ADAD2: variants seen among roughly 807,000 people sequenced by gnomAD.
ADAD2 encodes adenosine deaminase domain containing 2, also known as adenosine deaminase domain-containing protein 2.
A neutral mutation model predicts 54.5 loss-of-function variants in ADAD2; 60 were observed. That is an observed-to-expected ratio of 1.10 (90% CI 0.89 to 1.36). The LOEUF is 1.36. ADAD2 is among the 40% of genes most tolerant of loss of function. The probability of loss-of-function intolerance (pLI) is 0.00; values close to 1 mark genes in which losing one functional copy is unlikely to be tolerated. For missense variants in ADAD2, 1,103 were observed against 801.3 expected, an observed-to-expected ratio of 1.38 and a Z score of -4.54; for synonymous variants, 543 against 366.2, an observed-to-expected ratio of 1.48 and a Z score of -5.51.
chr16:84,191,462 C>T lies in ADAD2; in HGVS notation c.232C>T (p.Leu78=). 1.3e-6 allele frequency: 2 copies of T among 1,531,260 alleles called. No individual in the cohort carries two copies. Among genetic ancestry groups the T allele is most frequent in the Non-Finnish European group, 1.8e-6 (2 of 1,141,286 alleles). 94.9% of individuals were successfully genotyped at this position (1,531,260 alleles called of 1,614,324 possible). The change falls in exon 1 of 10, where the codon CTG becomes TTG. Residue 78 remains leucine (L), a synonymous_variant. Coordinates refer to ENST00000315906, the MANE Select transcript of ADAD2 (RefSeq NM_001145400.2). ...GPGAGAGVGE[L]GAARAWENLG... is the part of the protein sequence containing the mutation. Reference sequence around the variant, plus strand: ...TGGGGCAGGGGCCGGAGTCGGGGAACTGGGGGCAGCCCGGGCGTGGGAAAA... The same window carrying T: ...TGGGGCAGGGGCCGGAGTCGGGGAATTGGGGGCAGCCCGGGCGTGGGAAAA...
rs370379238 is a variant in ADAD2, at chr16:84,196,795, G to A, written c.1647+28G>A. On this transcript the variant is annotated intron_variant, in intron 9 of 9. Coordinates refer to ENST00000315906, the MANE Select transcript of ADAD2 (RefSeq NM_001145400.2). ...TGGTTCCCCACCCTCCCCCCGTCCC[G>A]GTCCCTCTCCAGCCCTGCAGTCCCT... is the stretch of plus-strand genomic sequence containing the variant. 4.7e-5 allele frequency: 68 copies of A among 1,450,320 alleles called. No individual in the cohort carries two copies. In the Admixed American group the frequency reaches 5.1e-4, roughly 11 times the overall value. 89.8% of individuals were successfully genotyped at this position (1,450,320 alleles called of 1,614,324 possible). A position where few individuals can be genotyped will look rare whatever the true frequency, so the allele number is the denominator to read the frequency against.
At position 84,194,531 on chromosome 16, in the gene ADAD2, C is replaced by G; in HGVS notation, c.508C>G (p.Gln170Glu). The stretch of plus-strand genomic sequence containing the variant: ...GAATAGCAAGACGGAGGCCAAACAG[C>G]AGGCAGCGCTCTCTGCCCTCTGCTA... ...TANSKTEAKQ[Q>E]AALSALCYIR... Residue 170 changes from glutamine to glutamate, a missense_variant, in exon 2 of 10, where the codon CAG becomes GAG. Physicochemically the swap from Gln to Glu is conservative, Grantham distance 29 (BLOSUM62 2). Coordinates refer to ENST00000315906, the MANE Select transcript of ADAD2 (RefSeq NM_001145400.2). The G allele has an allele frequency of 6.2e-7, 1 of 1,611,386 alleles. No homozygotes were observed. Among genetic ancestry groups the G allele is most frequent in the Non-Finnish European group, 8.5e-7 (1 of 1,179,010 alleles).
At chr16:84,193,448 T>C (rs1378495951) in intron 1 of ADAD2, 1 of 152,548 alleles carries the variant, frequency 6.6e-6, no homozygotes, top group Non-Finnish European at 1.5e-5. Flanking sequence ...CAGAACTGAG[T>C]TCAGGTGATG....
Position 84,196,014 on chromosome 16 carries a change from T to A in ADAD2, c.1252T>A (p.Ser418Thr). ...LGGALLAHLV[S>T]PLYSTSLILA... ...TGGTGCCCTGCTGGCCCACCTGGTG[T>A]CCCCACTCTACAGCACCAGCCTCAT... The change falls in exon 7 of 10, where the codon TCC (serine) becomes ACC (threonine). Residue 418 changes from serine (S) to threonine (T), a missense_variant. Transcript: ENST00000315906. 1 of 1,598,908 alleles carries A rather than the reference T, an allele frequency of 6.3e-7. No individual in the cohort carries two copies. The highest frequency in any genetic ancestry group is 1.1e-5 in the South Asian group (1 of 91,062).
rs1446509251 is a variant in ADAD2, at chr16:84,196,683, C to G, written c.1563C>G (p.Ala521=). The G allele has an allele frequency of 6.2e-6, 10 of 1,613,532 alleles. No individual in the cohort carries two copies. Among genetic ancestry groups the G allele is most frequent in the East Asian group, 2.2e-5 (1 of 44,870 alleles). ...GGCCTCCCTCCCGTCTCTGCAAGGC[C>G]TCCTTTCTCCGGGCCTTTCACCAGG... ...ALGPPSRLCK[A]SFLRAFHQAA... The change falls in exon 9 of 10, where the codon GCC becomes GCG. Residue 521 remains alanine (A), a synonymous_variant. Coordinates refer to ENST00000315906, the MANE Select transcript of ADAD2 (RefSeq NM_001145400.2).
In ADAD2 at chr16:84,191,550, C is replaced by A. The variant is rs149894736; in HGVS notation, c.320C>A (p.Pro107Gln). 3 of 1,548,202 alleles carry A rather than the reference C, an allele frequency of 1.9e-6. No individual in the cohort carries two copies. Among genetic ancestry groups the A allele is most frequent in the South Asian group, 2.4e-5 (2 of 84,056 alleles). Residue 107 changes from proline (P) to glutamine (Q), a missense_variant, in exon 1 of 10, where the codon CCG becomes CAG. Physicochemically the swap from Pro to Gln is moderately conservative, Grantham distance 76 (BLOSUM62 -1). Transcript: ENST00000315906. ...VPVPPAGLSLPLKDPPASQAV... is the reference protein window; with the variant it reads ...VPVPPAGLSLQLKDPPASQAV... ...GTGCCCCCAGCAGGGCTCAGCCTGC[C>A]GCTCAAAGACCCACCTGCCAGCCAG...
chr16:84,196,788 C>G (rs112008854), intron 9 of ADAD2, 21 bp downstream of exon 9: 2 of 1,602,666 alleles, frequency 1.2e-6, no homozygotes, highest in South Asian at 1.1e-5. Context: ...CACCCTCCCC[C>G]CGTCCCGGTC....
In ADAD2 at chr16:84,196,851, C is replaced by T. The variant is rs148199570; in HGVS notation, c.1648-19C>T. On this transcript the variant is annotated intron_variant, in intron 9 of 9. Transcript: ENST00000315906. ...CTGCAGGTACCTCCTCTCACCCCAC[C>T]TCTCATCTCCCGCCCTAGGCTGGGC... 4.4e-6 allele frequency: 7 copies of T among 1,591,332 alleles called. No individual in the cohort carries two copies. The highest frequency in any genetic ancestry group is 3.4e-5 in the Admixed American group (2 of 58,050).
At chr16:84,196,491 C>G in intron 8 of ADAD2, 121 bp downstream of exon 8, 1 of 1,538,324 alleles carries the variant, frequency 6.5e-7, no homozygotes, top group Non-Finnish European at 8.8e-7. Context: ...CTTCGCTCAA[C>G]CCCTTCCTAG....
Position 84,191,406 on chromosome 16 carries a change from C to T in ADAD2, c.176C>T (p.Pro59Leu), listed in dbSNP as rs1298075353. The T allele has an allele frequency of 6.7e-7, 1 of 1,494,988 alleles. No individual in the cohort carries two copies. 92.6% of individuals were successfully genotyped at this position (1,494,988 alleles called of 1,614,324 possible). The stretch of plus-strand genomic sequence containing the variant: ...ACGTATCGCGCGGAGGGCGGGTGGC[C>T]CCAGGTCTCGGTGTTGAGGGACAGT... ...PATYRAEGGW[P>L]QVSVLRDSGP... The change falls in exon 1 of 10, where the codon CCC (proline) becomes CTC (leucine). Residue 59 changes from proline to leucine, a missense_variant. Pro to Leu is a moderately conservative substitution (Grantham distance 98). Coordinates refer to ENST00000315906, the MANE Select transcript of ADAD2 (RefSeq NM_001145400.2).
Position 84,195,826 on chromosome 16 carries a change from C to G in ADAD2, c.1064C>G (p.Thr355Ser), listed in dbSNP as rs1178525159. ...CACCCGGCCCGCAGCCTGCCCCCCA[C>G]CTCGGAAGGTGGCCTCCCGCACAGC... is the stretch of plus-strand genomic sequence containing the variant. ...GAARDIYLPPTSEGGLPHSPP... is the reference protein window; with the variant it reads ...GAARDIYLPPSSEGGLPHSPP... The change falls in exon 7 of 10, where the codon ACC (threonine) becomes AGC (serine). Residue 355 changes from threonine (T) to serine (S), a missense_variant. Coordinates refer to ENST00000315906, the MANE Select transcript of ADAD2 (RefSeq NM_001145400.2). The G allele has an allele frequency of 3.7e-6, 6 of 1,605,892 alleles. No individual in the cohort carries two copies. Among genetic ancestry groups the G allele is most frequent in the African/African-American group, 1.3e-5 (1 of 74,758 alleles).
At chr16:84,193,703 A>T (rs1400053520) in intron 1 of ADAD2, 1 of 285,830 alleles carries the variant, frequency 3.5e-6, no homozygotes, top group East Asian at 6.2e-5. Context: ...TTCTCCCCAG[A>T]TTCAGTCGCT....
chr16:84,193,737 G>T (rs1232130928), intron 1 of ADAD2: 1 of 351,304 alleles, frequency 2.8e-6, no homozygotes, highest in Non-Finnish European at 5.2e-6. Context: ...CCACATGCTG[G>T]CTTTCTAAGG....
rs770392137 is a variant in ADAD2, at chr16:84,195,861, C to G, written c.1099C>G (p.Arg367Gly). The G allele has an allele frequency of 2.5e-6, 4 of 1,606,254 alleles. No individual in the cohort carries two copies. The highest frequency in any genetic ancestry group is 3.4e-6 in the Non-Finnish European group (4 of 1,179,204). The change falls in exon 7 of 10, where the codon CGC (arginine) becomes GGC (glycine). Residue 367 changes from arginine (R) to glycine (G), a missense_variant. By Grantham distance (125) the Arg-to-Gly change is moderately radical. Coordinates refer to ENST00000315906, the MANE Select transcript of ADAD2 (RefSeq NM_001145400.2). The stretch of plus-strand genomic sequence containing the variant: ...TGGCCTCCCGCACAGCCCACCCATG[C>G]GCCTGCAGGCCCATGTGCTCGGGCA... ...EGGLPHSPPM[R>G]LQAHVLGQLK...
intron 9 of ADAD2, 40 bp from the exon 10 acceptor site, chr16:84,196,830 A>C: frequency 6.3e-7 from 1 of 1,590,182 alleles, no homozygotes; most frequent in Non-Finnish European, 8.6e-7. Flanking sequence ...TGCCCCCTGC[A>C]GGTACCTCCT....
At chr16:84,194,902 C>G in intron 2 of ADAD2, 31 bp from the exon 3 acceptor site, 2 of 1,580,326 alleles carry the variant, frequency 1.3e-6, no homozygotes, top group Non-Finnish European at 1.7e-6. Flanking sequence ...CCTTGGCACC[C>G]ACACCAGCCC....
Position 84,195,282 on chromosome 16 carries a change from C to G in ADAD2, c.734-14C>G. The G allele has an allele frequency of 6.2e-7, 1 of 1,612,184 alleles. No individual in the cohort carries two copies. Among genetic ancestry groups the G allele is most frequent in the Non-Finnish European group, 8.5e-7 (1 of 1,179,836 alleles). On this transcript the variant is annotated splice_polypyrimidine_tract_variant and intron_variant, in intron 4 of 9. Transcript: ENST00000315906. ...TTGCCTTAGGCTGGGCCGTCTCTGC[C>G]CCCTCCTGCACAGAGATCCCGCGTG...
Position 84,196,284 on chromosome 16 carries a change from C to T in ADAD2, c.1440C>T (p.Asp480=), listed in dbSNP as rs949179873. 4 of 1,613,010 alleles carry T rather than the reference C, an allele frequency of 2.5e-6. No individual in the cohort carries two copies. The highest frequency in any genetic ancestry group is 3.4e-6 in the Non-Finnish European group (4 of 1,179,988). The change falls in exon 8 of 10, where the codon GAC becomes GAT. Residue 480 remains aspartate, a synonymous_variant. Transcript: ENST00000315906. ...TGGCCCCTTCCGAACCCACCCCTGA[C>T]ACCTGCCGTGGCCTGAGCCTCAACT... ...PPVAPSEPTP[D]TCRGLSLNWS... is the part of the protein sequence containing the mutation.
rs1344455116 is a variant in ADAD2 at position 84,195,107 on chromosome 16, G to T, written c.646G>T (p.Val216Leu). ...LTHEQRCAAL[V>L]SAGFDLLLDE... ...CCATGAGCAGCGCTGCGCAGCGTTG[G>T]TGAGCGCCGGCTTTGACCTCCTGTT... The change falls in exon 4 of 10, where the codon GTG becomes TTG. Residue 216 changes from valine (V) to leucine (L), a missense_variant. Transcript: ENST00000315906. 1 of 1,613,758 alleles carries T rather than the reference G, an allele frequency of 6.2e-7. No individual in the cohort carries two copies. Among genetic ancestry groups the T allele is most frequent in the South Asian group, 1.1e-5 (1 of 91,082 alleles).
Sources: gnomAD v4.1 joint callset for allele counts on GRCh38, gnomAD v4.1.1 for gene constraint, MANE v1.5 for transcripts, NCBI Gene and HGNC (gene_info 2026-07-23, HGNC 2026-07-21) for gene names.